Variants in ZSCAN30 observed in about 807,000 individuals in gnomAD.
The protein encoded by ZSCAN30 is zinc finger and SCAN domain containing 30, also known as zinc finger and SCAN domain-containing protein 30.
Under a neutral mutation model 44.3 loss-of-function variants are expected in ZSCAN30, and 37 were observed. The ratio of observed to expected loss-of-function variants is 0.84; its 90% CI spans 0.64 to 1.10. The LOEUF (loss-of-function observed/expected upper bound fraction) is 1.10. ZSCAN30 is among the 50% of genes least tolerant of loss of function. The probability of loss-of-function intolerance (pLI) is 0.00; values close to 1 mark genes in which losing one functional copy is unlikely to be tolerated. For missense variants in ZSCAN30, 549 were observed against 582.6 expected, an observed-to-expected ratio of 0.94 and a Z score of 0.59; for synonymous variants, 181 against 204.6, an observed-to-expected ratio of 0.88 and a Z score of 0.98.
chr18:35,263,512 C>G lies in ZSCAN30; in HGVS notation c.553+1G>C, dbSNP rs770438117. The stretch of plus-strand genomic sequence containing the variant: ...ACCCCACATGGACTGGGGCTTCTCA[C>G]CTCTCTCCTGGAAAGCCTGGGACTC... On this transcript the variant is annotated splice_donor_variant, in intron 3 of 3. Transcript: ENST00000333206. LOFTEE classifies it high-confidence loss of function. 77 of 1,614,042 alleles carry G rather than the reference C, an allele frequency of 4.8e-5. No individual in the cohort carries two copies. Among genetic ancestry groups the G allele is most frequent in the African/African-American group, 6.7e-5 (5 of 74,930 alleles).
At position 35,276,857 on chromosome 18, in the gene ZSCAN30, A is replaced by C. The variant is rs536789421; in HGVS notation, c.-103-12402T>G. The stretch of plus-strand genomic sequence containing the variant: ...GGACCTCTGTCCTCCAGACCCCAGA[A>C]TGTTAGATCCACTGAAAGCTTGCAC... On this transcript the variant is annotated intron_variant, in intron 1 of 3. Coordinates refer to ENST00000333206, the MANE Select transcript of ZSCAN30 (RefSeq NM_001112734.4). Among the ~76,000 whole-genome samples, 7 of 152,326 alleles carry C rather than the reference A, an allele frequency of 4.6e-5. No individual in the cohort carries two copies. In the South Asian group the frequency reaches 6.2e-4, roughly 14 times the overall value.
intron 1 of ZSCAN30, among the ~76,000 whole-genome samples, chr18:35,278,021 T>C (rs1055353721): frequency 6.6e-6 from 1 of 152,346 alleles, no homozygotes. Flanking sequence ...ATATTTTATG[T>C]TGTACTTCAC....
At chr18:35,257,548 T>C (rs1464026721) in intron 3 of ZSCAN30, 1 of 236,028 alleles carries the variant, frequency 4.2e-6, no homozygotes, top group East Asian at 1.1e-4. Context: ...AAGTGGGACC[T>C]TACCAAATAC....
intron 1 of ZSCAN30, 118 bp from the exon 2 acceptor site, chr18:35,264,573 G>A (rs147304072): frequency 1.1e-4 from 58 of 506,140 alleles, no homozygotes; most frequent in African/African-American, 9.4e-4. Context: ...TGACTAACAG[G>A]GCACTTCCAC....
intron 1 of ZSCAN30, among the ~76,000 whole-genome samples, chr18:35,279,473 C>T (rs971137211): frequency 4.6e-5 from 7 of 152,324 alleles, no homozygotes; most frequent in African/African-American, 1.7e-4. Flanking sequence ...CCTTTATGAC[C>T]TTAACTTGAT....
intron 2 of ZSCAN30, 53 bp downstream of exon 2, chr18:35,263,892 G>C: frequency 2.6e-6 from 4 of 1,560,706 alleles, no homozygotes; most frequent in Non-Finnish European, 3.5e-6. Context: ...CATAATTATG[G>C]CTTCCCCATT....
chr18:35,255,288 T>A (rs1337189226), intron 3 of ZSCAN30, among the ~76,000 whole-genome samples: 3 of 151,548 alleles, frequency 2.0e-5, no homozygotes, highest in Non-Finnish European at 4.4e-5. Flanking sequence ...AGATGGGGCA[T>A]ATTATGTCAG....
chr18:35,253,861 T>C lies in ZSCAN30; in HGVS notation c.1074A>G (p.Glu358=). ...TGAAGGCTTTTCCACATTCACAACA[T>C]TCATAGGGTTTTTCACCACTATGAA... ...QRIHSGEKPY[E]CCECGKAFRG... The change falls in exon 4 of 4, where the codon GAA becomes GAG. Residue 358 remains glutamate (E), a synonymous_variant. Transcript: ENST00000333206. The C allele has an allele frequency of 1.2e-6, 2 of 1,614,192 alleles. No homozygotes were observed. The highest frequency in any genetic ancestry group is 1.7e-6 in the Non-Finnish European group (2 of 1,180,024).
At chr18:35,272,005 C>T (rs2143739525) in intron 1 of ZSCAN30, among the ~76,000 whole-genome samples, 1 of 152,342 alleles carries the variant, frequency 6.6e-6, no homozygotes, top group South Asian at 2.1e-4. Flanking sequence ...GCCCACGCCT[C>T]TCTCTCCACA....
Position 35,253,662 on chromosome 18 carries a change from T to G in ZSCAN30, c.1273A>C (p.Ser425Arg), listed in dbSNP as rs2143645283. 6.2e-7 allele frequency: 1 copy of G among 1,614,170 alleles called. No individual in the cohort carries two copies. The change falls in exon 4 of 4, where the codon AGT becomes CGT. Residue 425 changes from serine to arginine, a missense_variant. By Grantham distance (110) the Ser-to-Arg change is moderately radical. Transcript: ENST00000333206. ...CIACGKAFGR[S>R]SILIEHQRIH... ...CTTTGATGTTCAATAAGGATAGAAC[T>G]CCTACCAAAAGCCTTACCACATGCA...
intron 3 of ZSCAN30, chr18:35,263,155 C>A (rs748611136): frequency 3.4e-5 from 13 of 380,322 alleles, no homozygotes; most frequent in South Asian, 2.8e-4. Context: ...GCAGGAGGAT[C>A]ACTTTAACCC....
Position 35,256,090 on chromosome 18 carries a change from A to C in ZSCAN30, c.554-1709T>G, listed in dbSNP as rs184586241. On this transcript the variant is annotated intron_variant, in intron 3 of 3. Transcript: ENST00000333206. The stretch of plus-strand genomic sequence containing the variant: ...ACTTATGGGATTTAAATACGTCTTC[A>C]AATTCTGTAACTATATGAAGTCAAA... Among the ~76,000 whole-genome samples the C allele has an allele frequency of 1.3e-4, 20 of 152,354 alleles. 1 individual carries two copies. In the East Asian group the frequency reaches 3.9e-3, roughly 29 times the overall value.
chr18:35,286,105 T>C (rs1467930776), intron 1 of ZSCAN30, among the ~76,000 whole-genome samples: 1 of 152,176 alleles, frequency 6.6e-6, no homozygotes, highest in Non-Finnish European at 1.5e-5. Context: ...ATTCTTTAAA[T>C]GATACAAAAT....
At chr18:35,281,543 C>T (rs969510879) in intron 1 of ZSCAN30, 5 of 152,182 alleles carry the variant, frequency 3.3e-5, no homozygotes, top group African/African-American at 1.2e-4. Flanking sequence ...TACCTTTGTA[C>T]ATGAGAATTA....
intron 1 of ZSCAN30, among the ~76,000 whole-genome samples, chr18:35,280,388 AAAAG>A (rs967863157): frequency 2.6e-5 from 4 of 152,162 alleles, no homozygotes; most frequent in East Asian, 1.9e-4. Flanking sequence ...TTACTGAAAA[AAAAG>A]AAAGAAAACA....
intron 1 of ZSCAN30, among the ~76,000 whole-genome samples, chr18:35,272,102 C>T (rs1334031054): frequency 2.6e-5 from 4 of 152,228 alleles, no homozygotes; most frequent in African/African-American, 4.8e-5. Flanking sequence ...AAGGGCCCCT[C>T]AAGCATGGCA....
intron 1 of ZSCAN30, among the ~76,000 whole-genome samples, chr18:35,273,163 C>G (rs924137242): frequency 2.0e-5 from 3 of 152,186 alleles, no homozygotes; most frequent in Non-Finnish European, 4.4e-5. Flanking sequence ...TCTTCCCAAA[C>G]TGAAACTCCA....
chr18:35,277,257 A>G (rs2044382398), intron 1 of ZSCAN30, among the ~76,000 whole-genome samples: 1 of 152,110 alleles, frequency 6.6e-6, no homozygotes, highest in African/African-American at 2.4e-5. Flanking sequence ...TTGGATTTGG[A>G]CTTTTGGGTT....
chr18:35,271,421 G>T (rs368474274), intron 1 of ZSCAN30, among the ~76,000 whole-genome samples: 2 of 152,148 alleles, frequency 1.3e-5, no homozygotes, highest in East Asian at 1.9e-4. Context: ...GCTAGACAAA[G>T]AGCACTGATT....
Sources: allele counts gnomAD v4.1 joint callset (sites outside exome capture counted in the v4.1 genomes callset), GRCh38; gene constraint gnomAD v4.1.1; transcripts MANE v1.5; gene names NCBI Gene and HGNC (gene_info 2026-07-23, HGNC 2026-07-21).